Variants in ZMAT3 observed in about 807,000 individuals in gnomAD.
The protein encoded by ZMAT3 is zinc finger matrin-type protein 3.
A neutral mutation model predicts 32.3 loss-of-function variants in ZMAT3; 17 were observed. The observed-to-expected ratio is 0.53, with a 90% CI of 0.36 to 0.79. The LOEUF is 0.79. Ranked by LOEUF, ZMAT3 falls within the 30% of genes least tolerant of loss-of-function variation. The pLI is 0.00. For synonymous variants in ZMAT3, 120 were observed against 133.1 expected (o/e 0.90, Z 0.68); for missense variants, 329 against 359.7 (o/e 0.91, Z 0.69).
chr3:179,064,031 G>A (rs1218830244), intron 2 of ZMAT3, among the ~76,000 whole-genome samples: 1 of 152,220 alleles, frequency 6.6e-6, no homozygotes, highest in Non-Finnish European at 1.5e-5. Context: ...TATTTATTGG[G>A]CAGTTTCCAC....
intron 1 of ZMAT3, among the ~76,000 whole-genome samples, chr3:179,069,353 G>A (rs1721591290): frequency 2.0e-5 from 3 of 151,904 alleles, no homozygotes; most frequent in African/African-American, 7.3e-5. Flanking sequence ...CCCAGATGGC[G>A]CCGTCTAACC....
chr3:179,044,831 G>C (rs1399213007), intron 2 of ZMAT3, among the ~76,000 whole-genome samples: 1 of 151,774 alleles, frequency 6.6e-6, no homozygotes. Context: ...ATTGAACAAG[G>C]ATATCACTTG....
chr3:179,023,592 T>C lies in ZMAT3; in HGVS notation c.*1425A>G, dbSNP rs1337679217. The stretch of plus-strand genomic sequence containing the variant: ...AACAAAATATCAAGCAATCTGAACT[T>C]ATGGTTTAGATCATGATATAAGCGC... On this transcript the variant is annotated 3_prime_UTR_variant, in exon 6 of 6. Coordinates refer to ENST00000311417, the MANE Select transcript of ZMAT3 (RefSeq NM_022470.4). 6.8e-6 allele frequency: 1 copy of C among 146,248 alleles called. No homozygotes were observed. The highest frequency in any genetic ancestry group is 1.5e-5 in the Non-Finnish European group (1 of 67,142). 9.1% of individuals were successfully genotyped at this position (146,248 alleles called of 1,614,324 possible). A position where few individuals can be genotyped will look rare whatever the true frequency, so the allele number is the denominator to read the frequency against.
rs1329617649 is a variant in ZMAT3, at chr3:179,024,139, G to A, written c.*878C>T. 1 of 152,056 alleles carries A rather than the reference G, an allele frequency of 6.6e-6. No individual in the cohort carries two copies. The highest frequency in any genetic ancestry group is 6.5e-5 in the Admixed American group (1 of 15,268). The allele number at this position is 152,056 out of a possible 1,614,324, so 9.4% of individuals were successfully genotyped here. The stretch of plus-strand genomic sequence containing the variant: ...TGTTAGACAAGCTGATTCAACTAGG[G>A]GGGAAAAAAGAGGAGGGAAGAAGGC... On this transcript the variant is annotated 3_prime_UTR_variant, in exon 6 of 6. Transcript: ENST00000311417.
At chr3:179,057,578 C>G (rs918938319) in intron 2 of ZMAT3, among the ~76,000 whole-genome samples, 5 of 152,210 alleles carry the variant, frequency 3.3e-5, no homozygotes, top group African/African-American at 4.8e-5. Context: ...ATTCAGAAAC[C>G]TTGTGCCATC....
chr3:179,026,178 C>T (rs1410019751), intron 5 of ZMAT3, among the ~76,000 whole-genome samples: 3 of 151,974 alleles, frequency 2.0e-5, no homozygotes, highest in South Asian at 4.1e-4. Flanking sequence ...TTGTTGTTGA[C>T]ATCTCATTTC....
At chr3:179,034,732 C>G (rs1274337366) in intron 2 of ZMAT3, among the ~76,000 whole-genome samples, 1 of 152,210 alleles carries the variant, frequency 6.6e-6, no homozygotes, top group African/African-American at 2.4e-5. Flanking sequence ...ACCACCACCA[C>G]TAGTCATCCA....
At position 179,020,419 on chromosome 3, in the gene ZMAT3, G is replaced by A. The variant is rs1055538227; in HGVS notation, c.*4598C>T. On this transcript the variant is annotated 3_prime_UTR_variant, in exon 6 of 6. Coordinates refer to ENST00000311417, the MANE Select transcript of ZMAT3 (RefSeq NM_022470.4). Reference sequence around the variant, plus strand: ...TGACAGTAACTGCTCACAATGGTAGGGGTTCTCCCCTGCCAAGAAAGCAAA... The same window carrying A: ...TGACAGTAACTGCTCACAATGGTAGAGGTTCTCCCCTGCCAAGAAAGCAAA... 6.6e-6 allele frequency: 1 copy of A among 152,124 alleles called. No individual in the cohort carries two copies. The highest frequency in any genetic ancestry group is 1.5e-5 in the Non-Finnish European group (1 of 68,008). 9.4% of individuals were successfully genotyped at this position (152,124 alleles called of 1,614,324 possible). A position where few individuals can be genotyped will look rare whatever the true frequency, so the allele number is the denominator to read the frequency against.
rs1169639474 is a variant in ZMAT3 at position 179,022,022 on chromosome 3, T to C, written c.*2995A>G. 1.3e-5 allele frequency: 2 copies of C among 152,240 alleles called. No homozygotes were observed. The highest frequency in any genetic ancestry group is 2.4e-5 in the African/African-American group (1 of 41,462). The allele number at this position is 152,240 out of a possible 1,614,324, so 9.4% of individuals were successfully genotyped here. A position where few individuals can be genotyped will look rare whatever the true frequency, so the allele number is the denominator to read the frequency against. On this transcript the variant is annotated 3_prime_UTR_variant, in exon 6 of 6. Transcript: ENST00000311417. ...ATTTAAGGAGCAAACTGAGTTATTG[T>C]AGGCAATACGGTACTAAAGTGTCCT...
At chr3:179,060,265 A>G (rs1427564659) in intron 2 of ZMAT3, among the ~76,000 whole-genome samples, 3 of 152,194 alleles carry the variant, frequency 2.0e-5, no homozygotes, top group Admixed American at 1.3e-4. Flanking sequence ...CTATCCATCA[A>G]TTATACTTCA....
At position 179,022,529 on chromosome 3, in the gene ZMAT3, C is replaced by T. The variant is rs1718600646; in HGVS notation, c.*2488G>A. ...GCCAGCACTATAATGTTAAAATTAA[C>T]CAAAAAATTATATTTAGCAGCAAAA... On this transcript the variant is annotated 3_prime_UTR_variant, in exon 6 of 6. Coordinates refer to ENST00000311417, the MANE Select transcript of ZMAT3 (RefSeq NM_022470.4). 6.6e-6 allele frequency: 1 copy of T among 150,798 alleles called. No individual in the cohort carries two copies. Among genetic ancestry groups the T allele is most frequent in the African/African-American group, 2.4e-5 (1 of 41,012 alleles). 9.3% of individuals were successfully genotyped at this position (150,798 alleles called of 1,614,324 possible). A position where few individuals can be genotyped will look rare whatever the true frequency, so the allele number is the denominator to read the frequency against.
intron 1 of ZMAT3, among the ~76,000 whole-genome samples, chr3:179,069,990 G>T (rs1721627568): frequency 6.6e-6 from 1 of 151,910 alleles, no homozygotes; most frequent in African/African-American, 2.4e-5. Context: ...TTAGAAAACG[G>T]AACTAAGTAG....
upstream of ZMAT3, chr3:179,072,073 A>G (rs1721756577): frequency 6.6e-6 from 1 of 152,564 alleles, no homozygotes; most frequent in Non-Finnish European, 1.5e-5. Context: ...AGAGCAGTTC[A>G]GCAGATGCCC....
intron 2 of ZMAT3, among the ~76,000 whole-genome samples, chr3:179,032,308 A>G (rs1320181043): frequency 1.3e-5 from 2 of 151,746 alleles, no homozygotes; most frequent in African/African-American, 2.4e-5. Flanking sequence ...TCAGTGCTCA[A>G]TGTTGCCCAG....
In ZMAT3 at chr3:179,067,731, C is replaced by A. The variant is rs761840300; in HGVS notation, c.22G>T (p.Val8Leu). The change falls in exon 2 of 6, where the codon GTG (valine) becomes TTG (leucine). Residue 8 changes from valine to leucine, a missense_variant. Transcript: ENST00000311417. Reference protein sequence around the residue: MILLQHAVLPPPKQPSPS... With the variant: MILLQHALLPPPKQPSPS... ...GAGGGCTGCTTAGGTGGAGGAAGCACGGCGTGTTGCAAGAGGATCATTGGG... is the reference window on the plus strand; with the variant it reads ...GAGGGCTGCTTAGGTGGAGGAAGCAAGGCGTGTTGCAAGAGGATCATTGGG... 6.2e-7 allele frequency: 1 copy of A among 1,614,022 alleles called. No individual in the cohort carries two copies.
rs1718729239 is a variant in ZMAT3, at chr3:179,024,279, C to T, written c.*738G>A. On this transcript the variant is annotated 3_prime_UTR_variant, in exon 6 of 6. Transcript: ENST00000311417. Reference sequence around the variant, plus strand: ...AATTTGCGCTTCAATGATGGGGAGACATGATACAGAAAAAAAAATGTCCTG... The same window carrying T: ...AATTTGCGCTTCAATGATGGGGAGATATGATACAGAAAAAAAAATGTCCTG... 6.6e-6 allele frequency: 1 copy of T among 152,004 alleles called. No individual in the cohort carries two copies. The highest frequency in any genetic ancestry group is 1.5e-5 in the Non-Finnish European group (1 of 68,014). 9.4% of individuals were successfully genotyped at this position (152,004 alleles called of 1,614,324 possible). A position where few individuals can be genotyped will look rare whatever the true frequency, so the allele number is the denominator to read the frequency against.
intron 2 of ZMAT3, among the ~76,000 whole-genome samples, chr3:179,054,773 C>A (rs1267669899): frequency 6.6e-6 from 1 of 152,176 alleles, no homozygotes; most frequent in Non-Finnish European, 1.5e-5. Flanking sequence ...TTCCATGCCT[C>A]CGGATCCAGC....
chr3:179,068,618 C>A (rs1721547576), intron 1 of ZMAT3, among the ~76,000 whole-genome samples: 1 of 151,988 alleles, frequency 6.6e-6, no homozygotes, highest in Non-Finnish European at 1.5e-5. Flanking sequence ...ATTCTTAAAG[C>A]ACTTATAGAA....
intron 3 of ZMAT3, among the ~76,000 whole-genome samples, chr3:179,028,380 T>C (rs1718993975): frequency 6.6e-6 from 1 of 152,180 alleles, no homozygotes. Flanking sequence ...GCCTAACAGA[T>C]TGCCCAGAAG....
Sources: gnomAD v4.1 joint callset for allele counts (sites outside exome capture counted in the v4.1 genomes callset) on GRCh38, gnomAD v4.1.1 for gene constraint, MANE v1.5 for transcripts, NCBI Gene and HGNC (gene_info 2026-07-23, HGNC 2026-07-21) for gene names.